PGS1: variants seen among roughly 807,000 people sequenced by gnomAD.
PGS1 encodes the protein phosphatidylglycerophosphate synthase 1, also known as CDP-diacylglycerol--glycerol-3-phosphate 3-phosphatidyltransferase, mitochondrial.
In PGS1, 44 loss-of-function variants were observed where a neutral mutation model predicts 58.3. That is an observed-to-expected ratio of 0.75 (90% CI 0.59 to 0.97). PGS1 has a LOEUF of 0.97. PGS1 is among the 50% of genes least tolerant of loss of function. The pLI is 0.00. For missense variants in PGS1, 684 were observed against 731.1 expected, an observed-to-expected ratio of 0.94 and a Z score of 0.74; for synonymous variants, 330 against 311.0, an observed-to-expected ratio of 1.06 and a Z score of -0.64.
At chr17:78,384,807 G>A (rs942663100) in intron 1 of PGS1, among the ~76,000 whole-genome samples, 1 of 152,230 alleles carries the variant, frequency 6.6e-6, no homozygotes, top group African/African-American at 2.4e-5. Context: ...TTGGTAGTGG[G>A]TGACAGTCAG....
In PGS1 at chr17:78,403,803, G is replaced by A. The variant is rs1479275531; in HGVS notation, c.1116G>A (p.Leu372=). The A allele has an allele frequency of 1.2e-6, 2 of 1,614,248 alleles. No individual in the cohort carries two copies. The highest frequency in any genetic ancestry group is 1.1e-5 in the South Asian group (1 of 91,088). The change falls in exon 7 of 10, where the codon CTG becomes CTA. Residue 372 remains leucine, a synonymous_variant. Transcript: ENST00000262764. ...TCGATGAGATTGTCACTGAGACCCTGTTGACTGAGGCGGAGCGCGGGGCAA... is the reference window on the plus strand; with the variant it reads ...TCGATGAGATTGTCACTGAGACCCTATTGACTGAGGCGGAGCGCGGGGCAA... ...IQIDEIVTET[L]LTEAERGAKV... is the part of the protein sequence containing the mutation.
Position 78,414,559 on chromosome 17 carries a change from G to T in PGS1, c.1403-320G>T, listed in dbSNP as rs566881572. ...GGCAGGGGTGTATGAGAGCAGGTCG[G>T]CAGGTGGCGTCACCATGTTCCCTCT... On this transcript the variant is annotated intron_variant, in intron 7 of 9. Transcript: ENST00000262764. Among the ~76,000 whole-genome samples, 3 of 152,302 alleles carry T rather than the reference G, an allele frequency of 2.0e-5. No homozygotes were observed. In the East Asian group the frequency reaches 5.8e-4, roughly 29 times the overall value.
intron 9 of PGS1, among the ~76,000 whole-genome samples, chr17:78,423,482 T>G (rs2086142916): frequency 6.6e-6 from 1 of 152,136 alleles, no homozygotes; most frequent in Non-Finnish European, 1.5e-5. Context: ...GGCAGGTGGT[T>G]TGCATGAAGC....
In PGS1 at chr17:78,383,938, C is replaced by G. The variant is rs76246703; in HGVS notation, c.143+5130C>G. Among the ~76,000 whole-genome samples the G allele has an allele frequency of 1.3e-3, 191 of 152,114 alleles. 9 individuals carry two copies. The South Asian group carries it at 0.019, about 15-fold the overall frequency. ...GATTAAAATGGTCTGAATGATAATC[C>G]CTTTGTAATAGCGTGATCTGATTTA... is the stretch of plus-strand genomic sequence containing the variant. On this transcript the variant is annotated intron_variant, in intron 1 of 9. Coordinates refer to ENST00000262764, the MANE Select transcript of PGS1 (RefSeq NM_024419.5).
chr17:78,419,001 C>G (rs2085452895), intron 8 of PGS1, among the ~76,000 whole-genome samples: 1 of 152,000 alleles, frequency 6.6e-6, no homozygotes, highest in African/African-American at 2.4e-5. Flanking sequence ...ATGTCTTGGT[C>G]TTAAAAGCCT....
At chr17:78,404,256 C>A (rs11077364) in intron 7 of PGS1, among the ~76,000 whole-genome samples, 167 bp downstream of exon 7, 91,200 of 149,626 alleles carry the variant, frequency 0.61, 27,881 homozygotes, top group Admixed American at 0.65. Context: ...TGGGGAGAGG[C>A]GAGCATTCAT....
chr17:78,403,214 C>A (rs2083832227), intron 6 of PGS1, among the ~76,000 whole-genome samples: 1 of 151,930 alleles, frequency 6.6e-6, no homozygotes, highest in Non-Finnish European at 1.5e-5. Flanking sequence ...CCTGGAGGCC[C>A]CCCGTATGTC....
At chr17:78,385,613 T>C (rs1483129321) in intron 1 of PGS1, among the ~76,000 whole-genome samples, 1 of 152,094 alleles carries the variant, frequency 6.6e-6, no homozygotes, top group Non-Finnish European at 1.5e-5. Flanking sequence ...TTAGTAGAGA[T>C]GGGGTTTCAC....
At chr17:78,409,118 C>T (rs2146272314) in intron 7 of PGS1, among the ~76,000 whole-genome samples, 1 of 152,346 alleles carries the variant, frequency 6.6e-6, no homozygotes, top group African/African-American at 2.4e-5. Context: ...CTTTCTGCTC[C>T]ATGGAGGTGA....
chr17:78,388,220 C>T (rs756576120), intron 1 of PGS1, among the ~76,000 whole-genome samples: 4 of 152,348 alleles, frequency 2.6e-5, no homozygotes, highest in Admixed American at 6.5e-5. Flanking sequence ...AGGAGGAGAC[C>T]TGCCTAGGAT....
intron 5 of PGS1, chr17:78,399,956 C>A: frequency 3.9e-6 from 1 of 254,004 alleles, no homozygotes; most frequent in Non-Finnish European, 7.8e-6. Flanking sequence ...ACAGGCCCTC[C>A]CCTCGGCAGT....
intron 3 of PGS1, among the ~76,000 whole-genome samples, chr17:78,396,586 G>A (rs1328963379): frequency 6.6e-6 from 1 of 152,232 alleles, no homozygotes; most frequent in Non-Finnish European, 1.5e-5. Context: ...GGTGAGGAGA[G>A]CTTGAAGAGG....
chr17:78,393,215 C>T (rs2146143474), intron 2 of PGS1, among the ~76,000 whole-genome samples: 1 of 152,234 alleles, frequency 6.6e-6, no homozygotes, highest in African/African-American at 2.4e-5. Flanking sequence ...CGCCTGCCAC[C>T]ACGCCCAGCT....
In PGS1 at chr17:78,400,771, G is replaced by C; in HGVS notation, c.796G>C (p.Val266Leu). The C allele has an allele frequency of 6.2e-7, 1 of 1,614,038 alleles. No homozygotes were observed. The change falls in exon 6 of 10, where the codon GTG becomes CTG. Residue 266 changes from valine to leucine, a missense_variant. Physicochemically the swap from Val to Leu is conservative, Grantham distance 32 (BLOSUM62 1). Coordinates refer to ENST00000262764, the MANE Select transcript of PGS1 (RefSeq NM_024419.5). This position sits in a 1 kb window ranked among gnomAD's most constrained non-coding sequence, Gnocchi z 4.4. ...AEIADFFTEL[V>L]DAVGDVSLQL... ...GATTGCCGACTTCTTCACGGAGCTG[G>C]TGGACGCGGTGGGGGATGTGTCCCT...
chr17:78,406,717 G>C, intron 7 of PGS1, among the ~76,000 whole-genome samples: 1 of 152,240 alleles, frequency 6.6e-6, no homozygotes, highest in East Asian at 1.9e-4. Flanking sequence ...CCAGGGATGG[G>C]GTATTGAAAG....
Position 78,414,361 on chromosome 17 carries a change from G to A in PGS1, c.1403-518G>A, listed in dbSNP as rs76250149. Among the ~76,000 whole-genome samples, 12 of 152,326 alleles carry A rather than the reference G, an allele frequency of 7.9e-5. No homozygotes were observed. In the East Asian group the frequency reaches 2.3e-3, roughly 29 times the overall value. ...CACCATCTGCCGTGTTGCGCGCTGA[G>A]GTGGCTGCTTCTGAGAAGCACGCGT... On this transcript the variant is annotated intron_variant, in intron 7 of 9. Coordinates refer to ENST00000262764, the MANE Select transcript of PGS1 (RefSeq NM_024419.5).
intron 8 of PGS1, among the ~76,000 whole-genome samples, chr17:78,417,057 C>G (rs1348022374): frequency 1.3e-5 from 2 of 152,188 alleles, no homozygotes; most frequent in Non-Finnish European, 2.9e-5. Context: ...CCTCCCTCCA[C>G]TTAGTACATA....
intron 1 of PGS1, among the ~76,000 whole-genome samples, chr17:78,390,322 G>T (rs554686522): frequency 5.8e-4 from 51 of 87,936 alleles, no homozygotes; most frequent in African/African-American, 2.2e-3. Context: ...CTAGAGACGG[G>T]GGTGGGGGAG....
intron 8 of PGS1, among the ~76,000 whole-genome samples, chr17:78,416,923 C>T (rs958729474): frequency 6.6e-6 from 1 of 152,176 alleles, no homozygotes; most frequent in Non-Finnish European, 1.5e-5. Context: ...CCCCAGCCAC[C>T]GTGGGCTCCC....
Sources: gnomAD v4.1 joint callset for allele counts (sites outside exome capture counted in the v4.1 genomes callset) on GRCh38, gnomAD v4.1.1 for gene constraint, Gnocchi (gnomAD v3.1) non-coding constraint, MANE v1.5 for transcripts, NCBI Gene and HGNC (gene_info 2026-07-23, HGNC 2026-07-21) for gene names.